Variants in TMEM132B observed in about 807,000 individuals in gnomAD.
The protein encoded by TMEM132B is transmembrane protein 132B.
In TMEM132B, 18 loss-of-function variants were observed where a neutral mutation model predicts 90.8. The ratio of observed to expected loss-of-function variants is 0.20; its 90% CI spans 0.14 to 0.29. The LOEUF (loss-of-function observed/expected upper bound fraction) is 0.29, where lower values mean the gene tolerates loss of function less well. Ranked by LOEUF, TMEM132B falls within the 10% of genes least tolerant of loss-of-function variation. The pLI is 1.00. For synonymous variants in TMEM132B, 504 were observed against 523.3 expected (o/e 0.96, Z 0.50); for missense variants, 1,096 against 1,326.8 (o/e 0.83, Z 2.70).
At chr12:125,442,204 G>A (rs1007117318) in intron 3 of TMEM132B, among the ~76,000 whole-genome samples, 1 of 152,240 alleles carries the variant, frequency 6.6e-6, no homozygotes, top group Non-Finnish European at 1.5e-5. Flanking sequence ...ACATTGCTGT[G>A]AAATCTGCTG....
chr12:125,510,381 T>G (rs1882947916), intron 3 of TMEM132B, among the ~76,000 whole-genome samples: 2 of 152,220 alleles, frequency 1.3e-5, no homozygotes. Flanking sequence ...ATAAGAAGAC[T>G]CTAACATCCT....
chr12:125,574,711 AG>A, intron 4 of TMEM132B, among the ~76,000 whole-genome samples: 1 of 152,088 alleles, frequency 6.6e-6, no homozygotes, highest in Admixed American at 6.6e-5. Context: ...CGGGTCAAAA[AG>A]GGTGTTGAAG....
intron 1 of TMEM132B, among the ~76,000 whole-genome samples, chr12:125,252,164 C>T (rs569756960): frequency 6.6e-6 from 1 of 152,170 alleles, no homozygotes; most frequent in Non-Finnish European, 1.5e-5. Flanking sequence ...TAATGACAAC[C>T]AAGACAAGCC....
chr12:125,437,969 C>T (rs930371522), intron 3 of TMEM132B, among the ~76,000 whole-genome samples: 2 of 151,946 alleles, frequency 1.3e-5, no homozygotes, highest in Admixed American at 6.5e-5. Flanking sequence ...TTTATTTTAC[C>T]ACAACAAAAA....
rs564736204 is a variant in TMEM132B, at chr12:125,332,354, C to T, written c.68-17098C>T. On this transcript the variant is annotated intron_variant, in intron 1 of 8. Coordinates refer to ENST00000682704, the MANE Select transcript of TMEM132B (RefSeq NM_001366854.1). ...GCCAGCCAATTATTCATCTCTTCTT[C>T]CTCTGAGATCTGGCAACTCTTGTAG... Among the ~76,000 whole-genome samples the T allele has an allele frequency of 7.2e-5, 11 of 152,222 alleles. No individual in the cohort carries two copies. The East Asian group carries it at 2.1e-3, about 29-fold the overall frequency.
intron 1 of TMEM132B, among the ~76,000 whole-genome samples, chr12:125,188,852 CAAAAAA>C (rs72059024): frequency 5.5e-5 from 5 of 91,208 alleles, no homozygotes; most frequent in South Asian, 8.6e-4. Flanking sequence ...GGAGGGATGG[CAAAAAA>C]AAAAAAAAAA....
chr12:125,275,782 C>T (rs1874970238), intron 1 of TMEM132B, among the ~76,000 whole-genome samples: 1 of 152,128 alleles, frequency 6.6e-6, no homozygotes, highest in Non-Finnish European at 1.5e-5. Context: ...GGTGTGATAA[C>T]AGTTCACTGC....
chr12:125,310,762 T>G (rs2136176411), intron 1 of TMEM132B, among the ~76,000 whole-genome samples: 1 of 152,306 alleles, frequency 6.6e-6, no homozygotes, highest in South Asian at 2.1e-4. Flanking sequence ...GTTCTGGGTC[T>G]TACTGAACAA....
At chr12:125,475,374 CTGAG>C (rs1881848351) in intron 3 of TMEM132B, among the ~76,000 whole-genome samples, 1 of 152,140 alleles carries the variant, frequency 6.6e-6, no homozygotes, top group Non-Finnish European at 1.5e-5. Context: ...ATGGTTAATA[CTGAG>C]TGTCAACTTG....
At chr12:125,637,090 C>T (rs1447616353) in intron 5 of TMEM132B, among the ~76,000 whole-genome samples, 1 of 152,156 alleles carries the variant, frequency 6.6e-6, no homozygotes, top group Non-Finnish European at 1.5e-5. Context: ...ACCCTGCAGC[C>T]ACAGTTCTCA....
At position 125,584,076 on chromosome 12, in the gene TMEM132B, C is replaced by T. The variant is rs749035559; in HGVS notation, c.1437+82C>T. On this transcript the variant is annotated intron_variant, in intron 5 of 8. Coordinates refer to ENST00000682704, the MANE Select transcript of TMEM132B (RefSeq NM_001366854.1). Reference sequence around the variant, plus strand: ...TCTTTTGTCTCCAAGGTCTTGTTCTCACTGAGCATCCCATGCTCTAAAGGG... The same window carrying T: ...TCTTTTGTCTCCAAGGTCTTGTTCTTACTGAGCATCCCATGCTCTAAAGGG... 3.5e-5 allele frequency: 56 copies of T among 1,596,176 alleles called. 1 individual carries two copies. The South Asian group carries it at 5.6e-4, about 16-fold the overall frequency.
At chr12:125,389,474 CCA>C (rs1428554661) in intron 2 of TMEM132B, among the ~76,000 whole-genome samples, 2 of 152,042 alleles carry the variant, frequency 1.3e-5, no homozygotes, top group Non-Finnish European at 2.9e-5. Flanking sequence ...CCTAGAGCCA[CCA>C]CACTTCCTGG....
rs567606137 is a variant in TMEM132B at position 125,660,518 on chromosome 12, T to G, written c.*5808T>G. The G allele has an allele frequency of 6.6e-6, 1 of 152,116 alleles. No individual in the cohort carries two copies. Among genetic ancestry groups the G allele is most frequent in the African/African-American group, 2.4e-5 (1 of 41,500 alleles). 9.4% of individuals were successfully genotyped at this position (152,116 alleles called of 1,614,324 possible). On this transcript the variant is annotated 3_prime_UTR_variant, in exon 9 of 9. Coordinates refer to ENST00000682704, the MANE Select transcript of TMEM132B (RefSeq NM_001366854.1). Reference sequence around the variant, plus strand: ...ATACAATTGAGATAGGTTCTGAAGTTTTTTTGTTGTTTGCTTTTAGAAATT... The same window carrying G: ...ATACAATTGAGATAGGTTCTGAAGTGTTTTTGTTGTTTGCTTTTAGAAATT...
At chr12:125,230,519 T>C (rs1873793124) in intron 1 of TMEM132B, among the ~76,000 whole-genome samples, 1 of 151,970 alleles carries the variant, frequency 6.6e-6, no homozygotes, top group Non-Finnish European at 1.5e-5. Context: ...CTCGCTCTGT[T>C]GCCCAGGCTG....
intron 1 of TMEM132B, among the ~76,000 whole-genome samples, chr12:125,297,253 T>TTCC (rs1334097952): frequency 1.3e-5 from 2 of 152,180 alleles, no homozygotes; most frequent in African/African-American, 4.8e-5. Flanking sequence ...TCGTCTCATG[T>TTCC]CCCGAGGCAG....
At chr12:125,559,997 C>T (rs1054809106) in intron 4 of TMEM132B, among the ~76,000 whole-genome samples, 2 of 152,310 alleles carry the variant, frequency 1.3e-5, no homozygotes, top group East Asian at 3.9e-4. Flanking sequence ...CGCTGCCAGC[C>T]TCTCTGGGCT....
intron 1 of TMEM132B, among the ~76,000 whole-genome samples, chr12:125,247,718 C>T (rs1401206920): frequency 2.0e-5 from 3 of 152,196 alleles, no homozygotes; most frequent in Non-Finnish European, 4.4e-5. Context: ...CCTGGCCAAT[C>T]AGAGCATAGC....
chr12:125,249,632 G>A (rs1874274566), intron 1 of TMEM132B, among the ~76,000 whole-genome samples: 1 of 152,272 alleles, frequency 6.6e-6, no homozygotes, highest in Non-Finnish European at 1.5e-5. Context: ...TCTCTGACAG[G>A]GGTTCTGCAT....
At chr12:125,290,613 A>G (rs923543798) in intron 1 of TMEM132B, among the ~76,000 whole-genome samples, 4 of 152,236 alleles carry the variant, frequency 2.6e-5, no homozygotes, top group South Asian at 2.1e-4. Flanking sequence ...GGTGGGACTC[A>G]TCTGTGCTGA....
Sources: allele counts gnomAD v4.1 joint callset (sites outside exome capture counted in the v4.1 genomes callset), GRCh38; gene constraint gnomAD v4.1.1; transcripts MANE v1.5; gene names NCBI Gene and HGNC (gene_info 2026-07-23, HGNC 2026-07-21).